Variants in LUC7L2 observed in about 807,000 individuals in gnomAD.
LUC7L2 encodes the protein putative RNA-binding protein Luc7-like 2.
In LUC7L2, 25 loss-of-function variants were observed where a neutral mutation model predicts 52.8. The observed-to-expected ratio is 0.47, with a 90% CI of 0.34 to 0.66. The LOEUF (loss-of-function observed/expected upper bound fraction) is 0.66. LUC7L2 is among the 30% of genes least tolerant of loss of function. The probability of loss-of-function intolerance (pLI) is 0.01; values close to 1 mark genes in which losing one functional copy is unlikely to be tolerated. For missense variants in LUC7L2, 328 were observed against 497.8 expected (o/e 0.66, Z 3.25); for synonymous variants, 144 against 160.9 (o/e 0.89, Z 0.80).
intron 7 of LUC7L2, among the ~76,000 whole-genome samples, chr7:139,412,183 C>T (rs1795386666): frequency 6.8e-6 from 1 of 147,898 alleles, no homozygotes; most frequent in Non-Finnish European, 1.5e-5. Context: ...TCCAGGAGTT[C>T]AAGACCACCC....
intron 1 of LUC7L2, among the ~76,000 whole-genome samples, chr7:139,347,688 T>TTA (rs571686705): frequency 2.2e-4 from 33 of 151,844 alleles, no homozygotes; most frequent in African/African-American, 8.0e-4. Context: ...ACTGAATGTA[T>TTA]AAAAAAAAGA....
intron 2 of LUC7L2, 120 bp from the exon 3 acceptor site, chr7:139,398,479 G>T (rs1010393786): frequency 6.1e-5 from 39 of 641,372 alleles, no homozygotes; most frequent in Non-Finnish European, 8.5e-5. Context: ...TAATTTGGAA[G>T]CCCCTACATA....
chr7:139,383,124 TA>T (rs1801124204), intron 2 of LUC7L2, among the ~76,000 whole-genome samples: 1 of 151,896 alleles, frequency 6.6e-6, no homozygotes, highest in South Asian at 2.1e-4. Context: ...TTTATTTATT[TA>T]TTTTTTTGAG....
chr7:139,383,365 A>C (rs1172544764), intron 2 of LUC7L2, among the ~76,000 whole-genome samples: 1 of 151,622 alleles, frequency 6.6e-6, no homozygotes, highest in East Asian at 1.9e-4. Flanking sequence ...TGATCCGCCC[A>C]TCTCGGCCTC....
At chr7:139,364,080 G>A (rs1162569322) in intron 1 of LUC7L2, among the ~76,000 whole-genome samples, 1 of 146,818 alleles carries the variant, frequency 6.8e-6, no homozygotes, top group Non-Finnish European at 1.5e-5. Context: ...CACCTCCTGG[G>A]TTCGAGTGAT....
chr7:139,405,264 A>C (rs1267081511), intron 4 of LUC7L2, among the ~76,000 whole-genome samples: 1 of 152,238 alleles, frequency 6.6e-6, no homozygotes, highest in African/African-American at 2.4e-5. Context: ...TATGCAAAGT[A>C]ACAGAGGTAG....
intron 7 of LUC7L2, among the ~76,000 whole-genome samples, chr7:139,410,728 G>A (rs1470988998): frequency 1.3e-5 from 2 of 152,110 alleles, no homozygotes; most frequent in African/African-American, 4.8e-5. Flanking sequence ...TAGCAGATGT[G>A]CTTAAGCTAA....
At chr7:139,380,617 TAAG>T (rs1800965128) in intron 2 of LUC7L2, among the ~76,000 whole-genome samples, 1 of 152,090 alleles carries the variant, frequency 6.6e-6, no homozygotes, top group Non-Finnish European at 1.5e-5. Flanking sequence ...AATAATAAAA[TAAG>T]AAGCTTGGAT....
chr7:139,395,431 G>A (rs1031226835), intron 2 of LUC7L2, among the ~76,000 whole-genome samples: 5 of 152,096 alleles, frequency 3.3e-5, no homozygotes, highest in Non-Finnish European at 5.9e-5. Flanking sequence ...CTAATGAATC[G>A]GGGGGTAAGG....
At chr7:139,347,862 G>A (rs1799320137) in intron 1 of LUC7L2, among the ~76,000 whole-genome samples, 2 of 151,930 alleles carry the variant, frequency 1.3e-5, no homozygotes, top group African/African-American at 2.4e-5. Context: ...CACCACACCC[G>A]GCTCATTTTT....
chr7:139,380,172 C>CT (rs1260182781), intron 2 of LUC7L2, among the ~76,000 whole-genome samples: 1 of 151,964 alleles, frequency 6.6e-6, no homozygotes, highest in African/African-American at 2.4e-5. Flanking sequence ...GAGCAAGACT[C>CT]TGTCTCAAAA....
chr7:139,417,792 C>T, intron 9 of LUC7L2, 63 bp downstream of exon 9: 1 of 1,524,956 alleles, frequency 6.6e-7, no homozygotes, highest in Non-Finnish European at 8.8e-7. Context: ...TTTATGTTTA[C>T]TTATGTTACT....
chr7:139,387,321 G>A (rs995028986), intron 2 of LUC7L2, among the ~76,000 whole-genome samples: 2 of 151,914 alleles, frequency 1.3e-5, no homozygotes, highest in African/African-American at 4.8e-5. Flanking sequence ...AGCCTCCCGA[G>A]TAGCTGGGAC....
At chr7:139,352,961 G>A (rs1003259029) in intron 1 of LUC7L2, among the ~76,000 whole-genome samples, 3 of 152,222 alleles carry the variant, frequency 2.0e-5, no homozygotes, top group South Asian at 2.1e-4. Flanking sequence ...ACTTTGGGAG[G>A]CTGAGGCAGG....
intron 2 of LUC7L2, among the ~76,000 whole-genome samples, chr7:139,386,005 A>G (rs1035726385): frequency 6.6e-6 from 1 of 152,138 alleles, no homozygotes; most frequent in African/African-American, 2.4e-5. Context: ...CTTGAAAACA[A>G]TAATTTTTTT....
At chr7:139,349,434 T>C (rs569421104) in intron 1 of LUC7L2, among the ~76,000 whole-genome samples, 1 of 152,264 alleles carries the variant, frequency 6.6e-6, no homozygotes, top group African/African-American at 2.4e-5. Flanking sequence ...CTGAAGTCGG[T>C]GTTAGAAAGA....
intron 1 of LUC7L2, among the ~76,000 whole-genome samples, chr7:139,343,840 C>T (rs1585055786): frequency 6.8e-6 from 1 of 146,038 alleles, no homozygotes; most frequent in Admixed American, 7.1e-5. Context: ...GGGGCTGAGG[C>T]AGGAGGATCA....
intron 2 of LUC7L2, among the ~76,000 whole-genome samples, chr7:139,395,682 C>G (rs527245158): frequency 1.3e-5 from 2 of 152,082 alleles, no homozygotes; most frequent in African/African-American, 4.8e-5. Flanking sequence ...GCTCTGTCAC[C>G]CAGGCTGGAA....
At chr7:139,371,208 T>G (rs1270086728) in intron 1 of LUC7L2, among the ~76,000 whole-genome samples, 2 of 152,250 alleles carry the variant, frequency 1.3e-5, no homozygotes, top group Non-Finnish European at 2.9e-5. Context: ...TTGTTTTCCC[T>G]AAGCTAAGCT....
Sources: gnomAD v4.1 joint callset for allele counts (sites outside exome capture counted in the v4.1 genomes callset) on GRCh38, gnomAD v4.1.1 for gene constraint, MANE v1.5 for transcripts, NCBI Gene and HGNC (gene_info 2026-07-23, HGNC 2026-07-21) for gene names.